DEPDC1B: variants seen among roughly 807,000 people sequenced by gnomAD.
DEPDC1B encodes the protein DEP domain containing 1B, also known as DEP domain-containing protein 1B.
In DEPDC1B, 51 loss-of-function variants were observed where a neutral mutation model predicts 66.5. That is an observed-to-expected ratio of 0.77 (90% confidence interval 0.61 to 0.97). DEPDC1B has a LOEUF of 0.97. Ranked by LOEUF, DEPDC1B falls within the 50% of genes least tolerant of loss-of-function variation. The probability of loss-of-function intolerance (pLI) is 0.00; values close to 1 mark genes in which losing one functional copy is unlikely to be tolerated. For synonymous variants in DEPDC1B, 226 were observed against 223.6 expected (o/e 1.01, Z -0.10); for missense variants, 552 against 637.1 (o/e 0.87, Z 1.44).
chr5:60,699,093 T>C (rs769961764), intron 1 of DEPDC1B, among the ~76,000 whole-genome samples: 56 of 152,176 alleles, frequency 3.7e-4, no homozygotes, highest in Non-Finnish European at 6.5e-4. Context: ...CTTGACTTAC[T>C]GGTATAGTGT....
intron 6 of DEPDC1B, among the ~76,000 whole-genome samples, chr5:60,639,533 A>C (rs939563503): frequency 6.6e-6 from 1 of 152,220 alleles, no homozygotes; most frequent in Non-Finnish European, 1.5e-5. Context: ...CAGTTTATCA[A>C]GCAAAGTCAT....
chr5:60,607,965 A>G (rs915914848), intron 7 of DEPDC1B, among the ~76,000 whole-genome samples: 9 of 152,178 alleles, frequency 5.9e-5, no homozygotes, highest in East Asian at 1.9e-4. Flanking sequence ...TTTGTAGGCT[A>G]TATCATTAAA....
intron 7 of DEPDC1B, among the ~76,000 whole-genome samples, chr5:60,621,198 T>C (rs1162877924): frequency 2.0e-5 from 3 of 151,236 alleles, no homozygotes; most frequent in Non-Finnish European, 4.4e-5. Flanking sequence ...AAATGACGAG[T>C]TAATGGGTGC....
intron 7 of DEPDC1B, among the ~76,000 whole-genome samples, chr5:60,628,892 TG>T (rs1752860189): frequency 6.6e-6 from 1 of 152,268 alleles, no homozygotes; most frequent in African/African-American, 2.4e-5. Context: ...CTAATCCAGT[TG>T]GAATTTATCC....
In DEPDC1B at chr5:60,649,428, C is replaced by G. The variant is rs559063451; in HGVS notation, c.315-1895G>C. On this transcript the variant is annotated intron_variant, in intron 2 of 10. Transcript: ENST00000265036. Reference sequence around the variant, plus strand: ...TTGCTGTCAGTAATATCTGCAGTTACCAATAGAAGGTGTGCTATCTATTTT... The same window carrying G: ...TTGCTGTCAGTAATATCTGCAGTTAGCAATAGAAGGTGTGCTATCTATTTT... Among the ~76,000 whole-genome samples the G allele has an allele frequency of 5.9e-5, 9 of 152,302 alleles. No homozygotes were observed. The East Asian group carries it at 1.7e-3, about 29-fold the overall frequency.
chr5:60,616,254 C>G (rs549571613), intron 7 of DEPDC1B, among the ~76,000 whole-genome samples: 1 of 152,174 alleles, frequency 6.6e-6, no homozygotes, highest in African/African-American at 2.4e-5. Context: ...TCCAAAGGAA[C>G]GCAGCTCCTC....
chr5:60,601,869 CTA>C (rs1752204773), intron 9 of DEPDC1B, among the ~76,000 whole-genome samples: 1 of 152,104 alleles, frequency 6.6e-6, no homozygotes, highest in African/African-American at 2.4e-5. Flanking sequence ...CAGAAAAACT[CTA>C]TGAGGTAAAT....
chr5:60,639,533 A>G (rs939563503), intron 6 of DEPDC1B, among the ~76,000 whole-genome samples: 3 of 152,220 alleles, frequency 2.0e-5, no homozygotes, highest in African/African-American at 7.2e-5. Flanking sequence ...CAGTTTATCA[A>G]GCAAAGTCAT....
intron 7 of DEPDC1B, among the ~76,000 whole-genome samples, chr5:60,632,681 G>C (rs1481070571): frequency 6.6e-6 from 1 of 152,250 alleles, no homozygotes; most frequent in African/African-American, 2.4e-5. Flanking sequence ...CAGGGCCTTG[G>C]ACATGTGACC....
chr5:60,668,898 G>T (rs1753967085), intron 2 of DEPDC1B, among the ~76,000 whole-genome samples: 3 of 152,122 alleles, frequency 2.0e-5, no homozygotes, highest in Admixed American at 2.0e-4. Context: ...CCTCTAGTGG[G>T]CTAAATTTCA....
chr5:60,647,415 C>T lies in DEPDC1B; in HGVS notation c.433G>A (p.Val145Met), dbSNP rs780254056. The T allele has an allele frequency of 6.2e-7, 1 of 1,608,212 alleles. No individual in the cohort carries two copies. Among genetic ancestry groups the T allele is most frequent in the Non-Finnish European group, 8.5e-7 (1 of 1,178,114 alleles). The change falls in exon 3 of 11, where the codon GTG becomes ATG. Residue 145 changes from valine to methionine, a missense_variant. Coordinates refer to ENST00000265036, the MANE Select transcript of DEPDC1B (RefSeq NM_018369.3). ...GCACTTACCATCACAACTGGCCTCA[C>T]TGGGATGTTCTCTTGTGAAGTGCCT... ...PPGTSQENIP[V>M]RPVVMNSEMW...
chr5:60,627,445 T>C (rs1752829989), intron 7 of DEPDC1B, among the ~76,000 whole-genome samples: 1 of 152,094 alleles, frequency 6.6e-6, no homozygotes, highest in Non-Finnish European at 1.5e-5. Flanking sequence ...CTTTTTTTTT[T>C]CTCCCAAAGA....
At chr5:60,621,248 C>G (rs1290579119) in intron 7 of DEPDC1B, among the ~76,000 whole-genome samples, 1 of 150,898 alleles carries the variant, frequency 6.6e-6, no homozygotes, top group Non-Finnish European at 1.5e-5. Flanking sequence ...TGTAACAAAC[C>G]TGCATGTTGT....
intron 9 of DEPDC1B, among the ~76,000 whole-genome samples, chr5:60,599,642 G>A (rs973275300): frequency 6.6e-6 from 1 of 152,182 alleles, no homozygotes; most frequent in Admixed American, 6.5e-5. Context: ...ATGAGGGCAA[G>A]GAACACCTGG....
intron 2 of DEPDC1B, among the ~76,000 whole-genome samples, chr5:60,683,789 A>T (rs957420055): frequency 6.6e-6 from 1 of 152,168 alleles, no homozygotes; most frequent in African/African-American, 2.4e-5. Context: ...GAAATAAACG[A>T]CATATAAATT....
chr5:60,658,357 G>A (rs141192216), intron 2 of DEPDC1B, among the ~76,000 whole-genome samples: 2 of 152,140 alleles, frequency 1.3e-5, no homozygotes, highest in Non-Finnish European at 2.9e-5. Flanking sequence ...CTTTTGGGGA[G>A]TGTTAAAGAA....
chr5:60,667,960 T>A (rs538175357), intron 2 of DEPDC1B, among the ~76,000 whole-genome samples: 32 of 114,662 alleles, frequency 2.8e-4, no homozygotes, highest in East Asian at 5.2e-4. Flanking sequence ...TTTATATATA[T>A]AATGGATATT....
chr5:60,642,196 C>T (rs1246663666), intron 6 of DEPDC1B, among the ~76,000 whole-genome samples: 1 of 152,190 alleles, frequency 6.6e-6, no homozygotes, highest in African/African-American at 2.4e-5. Flanking sequence ...TCAAAAGGCA[C>T]TCCAGACCAA....
At chr5:60,699,963 A>C in intron 1 of DEPDC1B, 83 bp downstream of exon 1, 1 of 1,501,652 alleles carries the variant, frequency 6.7e-7, no homozygotes, top group African/African-American at 1.4e-5. Flanking sequence ...GCGGAAGCGA[A>C]GACTGACAAG....
Sources: gnomAD v4.1 joint callset for allele counts (sites outside exome capture counted in the v4.1 genomes callset) on GRCh38, gnomAD v4.1.1 for gene constraint, MANE v1.5 for transcripts, NCBI Gene and HGNC (gene_info 2026-07-23, HGNC 2026-07-21) for gene names.